Variants in SRFBP1 observed in about 807,000 individuals in gnomAD.
SRFBP1 encodes the protein serum response factor-binding protein 1.
In SRFBP1, 47 loss-of-function variants were observed where a neutral mutation model predicts 45.5. The ratio of observed to expected loss-of-function variants is 1.03; its 90% CI spans 0.82 to 1.32. The LOEUF is 1.32. SRFBP1 is among the 40% of genes most tolerant of loss of function. The probability of loss-of-function intolerance (pLI) is 0.00; values close to 1 mark genes in which losing one functional copy is unlikely to be tolerated. For synonymous variants in SRFBP1, 203 were observed against 166.3 expected (o/e 1.22, Z -1.70); for missense variants, 621 against 484.6 (o/e 1.28, Z -2.64).
At chr5:122,036,167 C>T (rs1753689892) in intron 2 of SRFBP1, among the ~76,000 whole-genome samples, 1 of 152,070 alleles carries the variant, frequency 6.6e-6, no homozygotes, top group Non-Finnish European at 1.5e-5. Flanking sequence ...ACAATTCTTT[C>T]TGATAAGAGC....
At chr5:122,063,053 A>G (rs1399702893) in intron 2 of SRFBP1, 1 of 151,996 alleles carries the variant, frequency 6.6e-6, no homozygotes, top group African/African-American at 2.4e-5. Context: ...CATCATAGAC[A>G]AATTTCCAGT....
intron 4 of SRFBP1, among the ~76,000 whole-genome samples, chr5:122,000,712 T>G (rs764108426): frequency 6.6e-6 from 1 of 152,154 alleles, no homozygotes; most frequent in South Asian, 2.1e-4. Flanking sequence ...TCACTCTGAC[T>G]GGTTCAGTGT....
intron 4 of SRFBP1, among the ~76,000 whole-genome samples, chr5:122,017,855 TCA>T (rs1753221211): frequency 6.6e-6 from 1 of 152,226 alleles, no homozygotes; most frequent in African/African-American, 2.4e-5. Flanking sequence ...TGTTTTACTT[TCA>T]CACACTAGTG....
Position 121,981,059 on chromosome 5 carries a change from C to T in SRFBP1, c.198+5672C>T, listed in dbSNP as rs76049101. Among the ~76,000 whole-genome samples the T allele has an allele frequency of 6.9e-3, 1,050 of 152,194 alleles. 11 individuals carry two copies. The highest frequency in any genetic ancestry group is 0.023 in the African/African-American group (968 of 41,548). On this transcript the variant is annotated intron_variant, in intron 3 of 7. Coordinates refer to ENST00000339397, the MANE Select transcript of SRFBP1 (RefSeq NM_152546.3). ...CCTCCAAGTAAGCTTGGTGGACCCTCCATCAGAGTCTGTTTCCATTTACTC... is the reference window on the plus strand; with the variant it reads ...CCTCCAAGTAAGCTTGGTGGACCCTTCATCAGAGTCTGTTTCCATTTACTC...
At chr5:122,017,878 A>T (rs1734462553) in intron 4 of SRFBP1, among the ~76,000 whole-genome samples, 1 of 152,196 alleles carries the variant, frequency 6.6e-6, no homozygotes, top group South Asian at 2.1e-4. Context: ...AAATTTATTC[A>T]CTTGCTTTAT....
In SRFBP1 at chr5:121,962,063, A is replaced by T. The variant is rs760557868; in HGVS notation, c.31A>T (p.Asn11Tyr). ...TCAGCCGGGAACTCTGAACCTCAATAACGAGGTGAGCGCCGAGGAACCTAT... is the reference window on the plus strand; with the variant it reads ...TCAGCCGGGAACTCTGAACCTCAATTACGAGGTGAGCGCCGAGGAACCTAT... MAQPGTLNLN[N>Y]EVVKMRKEVK... Residue 11 changes from asparagine (N) to tyrosine (Y), a missense_variant, in exon 1 of 8, where the codon AAC (asparagine) becomes TAC (tyrosine). Transcript: ENST00000339397. The T allele has an allele frequency of 7.4e-6, 12 of 1,614,036 alleles. No homozygotes were observed. The South Asian group carries it at 1.1e-4, about 15-fold the overall frequency.
At chr5:121,984,525 A>AAT (rs1322512184) in intron 3 of SRFBP1, among the ~76,000 whole-genome samples, 1 of 151,822 alleles carries the variant, frequency 6.6e-6, no homozygotes, top group Non-Finnish European at 1.5e-5. Flanking sequence ...ACATGTTTCA[A>AAT]ATATAAATGG....
chr5:121,993,462 C>G (rs2112673706), intron 3 of SRFBP1, among the ~76,000 whole-genome samples: 2 of 152,172 alleles, frequency 1.3e-5, no homozygotes, highest in East Asian at 3.9e-4. Flanking sequence ...ATGCTTTTAA[C>G]CGTGGTAGAG....
chr5:121,983,617 T>C (rs1561580032), intron 3 of SRFBP1, among the ~76,000 whole-genome samples: 1 of 151,816 alleles, frequency 6.6e-6, no homozygotes, highest in African/African-American at 2.4e-5. Context: ...AATTGAATTA[T>C]ACAAGTTTTT....
At chr5:121,992,238 GCCTTTT>G (rs1484664209) in intron 3 of SRFBP1, among the ~76,000 whole-genome samples, 1 of 151,974 alleles carries the variant, frequency 6.6e-6, no homozygotes, top group Non-Finnish European at 1.5e-5. Flanking sequence ...AATTTTTCCT[GCCTTTT>G]CAGCTTCTGT....
At chr5:122,007,015 T>C (rs1367973209) in intron 4 of SRFBP1, among the ~76,000 whole-genome samples, 4 of 152,072 alleles carry the variant, frequency 2.6e-5, no homozygotes, top group Admixed American at 2.6e-4. Flanking sequence ...TTTACAGAAG[T>C]AGGGACTTAT....
At chr5:122,076,192 G>A (rs1408679301), downstream of SRFBP1, 1 of 152,192 alleles carries the variant, frequency 6.6e-6, no homozygotes, top group African/African-American at 2.4e-5. Flanking sequence ...TGGAAGAAAT[G>A]TACAAATAAA....
intron 1 of SRFBP1, among the ~76,000 whole-genome samples, chr5:121,962,726 C>G (rs988072086): frequency 2.0e-5 from 3 of 152,202 alleles, no homozygotes; most frequent in Non-Finnish European, 4.4e-5. Flanking sequence ...ACCATTTCTA[C>G]CACTTATCCC....
At chr5:121,997,391 C>G (rs1442147247) in intron 4 of SRFBP1, among the ~76,000 whole-genome samples, 1 of 151,550 alleles carries the variant, frequency 6.6e-6, no homozygotes, top group East Asian at 1.9e-4. Context: ...CTTTGACAAA[C>G]CTGAGAAAAA....
intron 7 of SRFBP1, among the ~76,000 whole-genome samples, chr5:122,025,680 C>T (rs1330971481): frequency 2.0e-5 from 3 of 152,140 alleles, no homozygotes; most frequent in Admixed American, 6.5e-5. Flanking sequence ...TTCTAGAGCA[C>T]ATGTGATTTG....
chr5:121,976,753 A>AAT (rs58128264), intron 3 of SRFBP1, among the ~76,000 whole-genome samples: 10 of 150,244 alleles, frequency 6.7e-5, no homozygotes, highest in Non-Finnish European at 1.5e-4. Context: ...ATATATATAT[A>AAT]ATATATATAT....
chr5:122,002,077 T>C (rs1752884412), intron 4 of SRFBP1, among the ~76,000 whole-genome samples: 1 of 152,236 alleles, frequency 6.6e-6, no homozygotes, highest in Admixed American at 6.5e-5. Context: ...TCAGTGCTTA[T>C]AGTTTTCACT....
At chr5:122,075,596 A>T, downstream of SRFBP1, 1 of 1,210,628 alleles carries the variant, frequency 8.3e-7, no homozygotes. Flanking sequence ...AACTAAAGAC[A>T]AAACTACAAA....
Position 122,020,340 on chromosome 5 carries a change from A to G in SRFBP1, c.605A>G (p.Asn202Ser), listed in dbSNP as rs1399768322. The G allele has an allele frequency of 6.2e-7, 1 of 1,613,922 alleles. No individual in the cohort carries two copies. Among genetic ancestry groups the G allele is most frequent in the African/African-American group, 1.3e-5 (1 of 74,918 alleles). Residue 202 changes from asparagine (N) to serine (S), a missense_variant, in exon 6 of 8, where the codon AAT (asparagine) becomes AGT (serine). Asn to Ser is a conservative substitution (Grantham distance 46). Transcript: ENST00000339397. ...EHGPKAVTIA[N>S]SPSKPSEKDS... is the part of the protein sequence containing the mutation. ...GGACCTAAAGCAGTGACTATTGCAA[A>G]TTCTCCATCAAAGCCTTCAGAAAAG...
Sources: allele counts gnomAD v4.1 joint callset (sites outside exome capture counted in the v4.1 genomes callset), GRCh38; gene constraint gnomAD v4.1.1; transcripts MANE v1.5; gene names NCBI Gene and HGNC (gene_info 2026-07-23, HGNC 2026-07-21).